The following CACHD1 variants were observed in gnomAD, a reference collection of about 807,000 sequenced individuals.
The protein encoded by CACHD1 is VWFA and cache domain-containing protein 1.
In CACHD1, 71 loss-of-function variants were observed where a neutral mutation model predicts 138.7. The observed-to-expected ratio is 0.51, with a 90% CI of 0.42 to 0.62. The LOEUF (loss-of-function observed/expected upper bound fraction) is 0.62. Among genes scored for constraint, CACHD1 ranks in the 20% least tolerant of loss-of-function variants. The probability of loss-of-function intolerance (pLI) is 0.00; values close to 1 mark genes in which losing one functional copy is unlikely to be tolerated. For synonymous variants in CACHD1, 578 were observed against 591.5 expected, an observed-to-expected ratio of 0.98 and a Z score of 0.33; for missense variants, 1,389 against 1,625.3, an observed-to-expected ratio of 0.85 and a Z score of 2.50.
chr1:64,482,556 G>A (rs1646217424), intron 1 of CACHD1, among the ~76,000 whole-genome samples: 1 of 152,078 alleles, frequency 6.6e-6, no homozygotes, highest in South Asian at 2.1e-4. Flanking sequence ...TGGTTTTGGG[G>A]GAAAACCTGG....
chr1:64,557,964 A>G (rs559173890), intron 2 of CACHD1, among the ~76,000 whole-genome samples: 42 of 151,940 alleles, frequency 2.8e-4, no homozygotes, highest in Admixed American at 2.3e-3. Flanking sequence ...ACGCCCAGCT[A>G]ATTTTTGTAT....
chr1:64,536,553 C>T (rs577378839), intron 1 of CACHD1, among the ~76,000 whole-genome samples: 12 of 152,178 alleles, frequency 7.9e-5, no homozygotes, highest in Admixed American at 2.6e-4. Context: ...AATTACATGA[C>T]GAATTAGCAT....
At chr1:64,531,082 A>C (rs1363721200) in intron 1 of CACHD1, among the ~76,000 whole-genome samples, 1 of 152,162 alleles carries the variant, frequency 6.6e-6, no homozygotes, top group East Asian at 1.9e-4. Flanking sequence ...ATAATACAGC[A>C]CAAGTCTGTT....
intron 4 of CACHD1, among the ~76,000 whole-genome samples, chr1:64,606,508 A>G (rs932961966): frequency 3.3e-5 from 5 of 152,102 alleles, no homozygotes; most frequent in African/African-American, 9.7e-5. Context: ...CAAGAGCCTT[A>G]TTTTACTGGC....
intron 15 of CACHD1, 65 bp from the exon 16 acceptor site, chr1:64,665,992 A>G (rs1649618818): frequency 2.1e-6 from 2 of 939,590 alleles, no homozygotes; most frequent in Admixed American, 2.2e-5. Context: ...GCGACAGAGC[A>G]AGACTCCATC....
At chr1:64,622,494 CT>C (rs1647950425) in intron 4 of CACHD1, among the ~76,000 whole-genome samples, 1 of 152,186 alleles carries the variant, frequency 6.6e-6, no homozygotes, top group Non-Finnish European at 1.5e-5. Flanking sequence ...CTTAATTGTA[CT>C]TATTTACATT....
intron 2 of CACHD1, among the ~76,000 whole-genome samples, chr1:64,552,635 G>A (rs994503014): frequency 3.3e-5 from 5 of 151,758 alleles, no homozygotes; most frequent in African/African-American, 7.3e-5. Context: ...CCACATGCCC[G>A]GCTGATTTTT....
At chr1:64,617,556 C>G (rs1647756038) in intron 4 of CACHD1, among the ~76,000 whole-genome samples, 1 of 152,098 alleles carries the variant, frequency 6.6e-6, no homozygotes, top group South Asian at 2.1e-4. Context: ...TTGAGGATGC[C>G]TGCTCCTTAG....
chr1:64,660,581 A>G (rs1397037510), intron 13 of CACHD1, among the ~76,000 whole-genome samples: 2 of 151,160 alleles, frequency 1.3e-5, no homozygotes, highest in Non-Finnish European at 2.9e-5. Context: ...CCCAGAATGG[A>G]GTACAGTGGC....
At chr1:64,597,521 G>GTTTTTT (rs1647164030) in intron 3 of CACHD1, among the ~76,000 whole-genome samples, 3 of 63,854 alleles carry the variant, frequency 4.7e-5, no homozygotes, top group African/African-American at 2.0e-4. Context: ...TTTTTTTTTT[G>GTTTTTT]TTGTTTTTTT....
intron 2 of CACHD1, among the ~76,000 whole-genome samples, chr1:64,555,703 G>A (rs1646791977): frequency 6.6e-6 from 1 of 152,318 alleles, no homozygotes; most frequent in Non-Finnish European, 1.5e-5. Context: ...TTACAGGCAT[G>A]AGCCACCCCG....
chr1:64,593,316 G>A (rs1647122665), intron 3 of CACHD1, among the ~76,000 whole-genome samples: 1 of 152,166 alleles, frequency 6.6e-6, no homozygotes, highest in South Asian at 2.1e-4. Context: ...ACATACAGCT[G>A]ACCCATAAGT....
chr1:64,630,832 C>G (rs1370175349), intron 5 of CACHD1, among the ~76,000 whole-genome samples: 1 of 152,092 alleles, frequency 6.6e-6, no homozygotes, highest in Non-Finnish European at 1.5e-5. Context: ...TCAAAATCAG[C>G]ATTCACCTAC....
intron 24 of CACHD1, among the ~76,000 whole-genome samples, chr1:64,680,622 G>A (rs1650144193): frequency 6.6e-6 from 1 of 152,110 alleles, no homozygotes; most frequent in South Asian, 2.1e-4. Flanking sequence ...ACTGTTTAAT[G>A]GCCATCTCCA....
chr1:64,482,190 C>A (rs534369287), intron 1 of CACHD1, among the ~76,000 whole-genome samples: 1 of 152,016 alleles, frequency 6.6e-6, no homozygotes, highest in South Asian at 2.1e-4. Context: ...TGTAGAAAGA[C>A]CTGTTGGGTT....
At position 64,684,363 on chromosome 1, in the gene CACHD1, CTTT is replaced by C. The variant is rs397980387; in HGVS notation, c.3586+2276_3586+2278del. ...TTTGTTTTTTCTTCTTCTTCTTCTT[CTTT>C]TTTTTTTTTTTTTTTTTTGGAGACA... On this transcript the variant is annotated intron_variant, in intron 26 of 26. Transcript: ENST00000651257. 4.5e-3 allele frequency among the ~76,000 whole-genome samples: 245 copies of C among 54,954 alleles called. 2 individuals carry two copies. The highest frequency in any genetic ancestry group is 0.017 in the African/African-American group (219 of 13,084). 36.1% of individuals were successfully genotyped at this position (54,954 alleles called of 152,430 possible). A position where few individuals can be genotyped will look rare whatever the true frequency, so the allele number is the denominator to read the frequency against.
intron 2 of CACHD1, 100 bp downstream of exon 2, chr1:64,550,756 C>A (rs1646752922): frequency 2.7e-6 from 2 of 753,780 alleles, no homozygotes; most frequent in Non-Finnish European, 4.6e-6. Context: ...GTTTCCTGTT[C>A]TTTCTCTCTG....
intron 1 of CACHD1, among the ~76,000 whole-genome samples, chr1:64,515,713 G>T (rs305570): frequency 0.078 from 11,888 of 152,232 alleles, 560 homozygotes; most frequent in East Asian, 0.16. Context: ...TAAAATTAAT[G>T]TATGAAGAAA....
chr1:64,582,036 T>G, intron 2 of CACHD1, 120 bp from the exon 3 acceptor site: 2 of 1,153,152 alleles, frequency 1.7e-6, no homozygotes, highest in South Asian at 3.2e-5. Flanking sequence ...TGTGTGTTGT[T>G]TGTTTTACTT....
Sources: gnomAD v4.1 joint callset for allele counts (sites outside exome capture counted in the v4.1 genomes callset) on GRCh38, gnomAD v4.1.1 for gene constraint, MANE v1.5 for transcripts, NCBI Gene and HGNC (gene_info 2026-07-23, HGNC 2026-07-21) for gene names.